Variants in GLRA3 observed in about 807,000 individuals in gnomAD.
The protein encoded by GLRA3 is glycine receptor alpha 3.
In GLRA3, 44 loss-of-function variants were observed where a neutral mutation model predicts 60.4. The observed-to-expected ratio is 0.73, with a 90% CI of 0.57 to 0.94. The LOEUF is 0.94. Among genes scored for constraint, GLRA3 ranks in the 40% least tolerant of loss-of-function variants. The pLI is 0.00. For missense variants in GLRA3, 508 were observed against 564.6 expected, an observed-to-expected ratio of 0.90 and a Z score of 1.02; for synonymous variants, 223 against 192.9, an observed-to-expected ratio of 1.16 and a Z score of -1.29.
At chr4:174,745,599 C>T (rs73004602) in intron 3 of GLRA3, among the ~76,000 whole-genome samples, 6,056 of 151,960 alleles carry the variant, frequency 0.04, 293 homozygotes, top group African/African-American at 0.11. Flanking sequence ...TGGCTAAAAC[C>T]TCAAAAGCAT....
At chr4:174,665,519 G>A (rs1012961591) in intron 7 of GLRA3, among the ~76,000 whole-genome samples, 2 of 152,112 alleles carry the variant, frequency 1.3e-5, no homozygotes, top group African/African-American at 2.4e-5. Flanking sequence ...TATCCTGCAA[G>A]TTTTAAGTGC....
intron 1 of GLRA3, among the ~76,000 whole-genome samples, chr4:174,813,691 C>T (rs1740364799): frequency 1.3e-5 from 2 of 152,140 alleles, no homozygotes; most frequent in South Asian, 4.1e-4. Flanking sequence ...TCTATTCTAA[C>T]CTCTTTCTAT....
At chr4:174,759,658 T>C (rs1031412764) in intron 3 of GLRA3, among the ~76,000 whole-genome samples, 1 of 152,132 alleles carries the variant, frequency 6.6e-6, no homozygotes, top group African/African-American at 2.4e-5. Flanking sequence ...AGTTGTCCTA[T>C]TAAATATCAA....
At chr4:174,721,029 G>GTA (rs1429668150) in intron 4 of GLRA3, among the ~76,000 whole-genome samples, 1 of 145,244 alleles carries the variant, frequency 6.9e-6, no homozygotes, top group Non-Finnish European at 1.5e-5. Context: ...GTGTGTGTGT[G>GTA]TGTGTGTGTG....
In GLRA3 at chr4:174,705,812, C is replaced by T. The variant is rs1450806850; in HGVS notation, c.574+9676G>A. Reference sequence around the variant, plus strand: ...AGTGAGAAATGAGAGACATTTTCCCCGTCTACATGGAACTTGCATGTAGTG... The same window carrying T: ...AGTGAGAAATGAGAGACATTTTCCCTGTCTACATGGAACTTGCATGTAGTG... On this transcript the variant is annotated intron_variant, in intron 5 of 9. Transcript: ENST00000274093. Among the ~76,000 whole-genome samples, 10 of 95,008 alleles carry T rather than the reference C, an allele frequency of 1.1e-4. 3 individuals carry two copies. Among genetic ancestry groups the T allele is most frequent in the Non-Finnish European group, 2.4e-4 (10 of 42,540 alleles). The allele number at this position is 95,008 out of a possible 152,430, so 62.3% of individuals were successfully genotyped here.
In GLRA3 at chr4:174,761,391, A is replaced by G. The variant is rs548168223; in HGVS notation, c.267+5572T>C. Among the ~76,000 whole-genome samples the G allele has an allele frequency of 2.6e-5, 4 of 152,274 alleles. No individual in the cohort carries two copies. In the South Asian group the frequency reaches 8.3e-4, roughly 32 times the overall value. On this transcript the variant is annotated intron_variant, in intron 3 of 9. Transcript: ENST00000274093. ...GAGCCTATCATTTGTATGAAAATTG[A>G]AAAACTGTAGGTTTGGACACTTCTG...
chr4:174,699,052 C>T (rs924747243), intron 5 of GLRA3, among the ~76,000 whole-genome samples: 5 of 149,930 alleles, frequency 3.3e-5, no homozygotes, highest in Non-Finnish European at 2.9e-5. Flanking sequence ...GGCTGGAGTG[C>T]AGTGGTGTGA....
rs554830029 is a variant in GLRA3 at position 174,820,946 on chromosome 4, AC to A, written c.71+7794del. Among the ~76,000 whole-genome samples the A allele has an allele frequency of 8.2e-3, 1,242 of 152,160 alleles. 21 individuals carry two copies. The highest frequency in any genetic ancestry group is 0.028 in the African/African-American group (1,169 of 41,516). On this transcript the variant is annotated intron_variant, in intron 1 of 9. Transcript: ENST00000274093. ...AGTAACATTACTGTCAGATTTTTGT[AC>A]ATATTTCCTAACTTCTGAAAAGGAG...
intron 5 of GLRA3, among the ~76,000 whole-genome samples, chr4:174,700,590 T>C (rs1487396895): frequency 6.6e-6 from 1 of 152,128 alleles, no homozygotes; most frequent in East Asian, 1.9e-4. Flanking sequence ...ATGGTTAAGC[T>C]TAGTGAGGAA....
intron 2 of GLRA3, among the ~76,000 whole-genome samples, chr4:174,769,034 A>G (rs1738272450): frequency 6.6e-6 from 1 of 152,012 alleles, no homozygotes. Context: ...AATTGATCTT[A>G]CAAGGTTTGC....
intron 3 of GLRA3, among the ~76,000 whole-genome samples, chr4:174,764,338 G>A (rs1738054121): frequency 6.6e-6 from 1 of 152,062 alleles, no homozygotes; most frequent in African/African-American, 2.4e-5. Context: ...AGCCAGTAAA[G>A]ACATTGAAGA....
chr4:174,810,266 G>A (rs997557019), intron 1 of GLRA3, among the ~76,000 whole-genome samples: 1 of 152,046 alleles, frequency 6.6e-6, no homozygotes, highest in African/African-American at 2.4e-5. Context: ...AAAGATGCTG[G>A]ACTAGAAACC....
Position 174,777,516 on chromosome 4 carries a change from T to C in GLRA3, c.200-10486A>G, listed in dbSNP as rs530845851. ...AACTCTAGAGACAGTGAAAAGATCA[T>C]TGATTGCCAGAGACTGGGGGTAGAT... On this transcript the variant is annotated intron_variant, in intron 2 of 9. Coordinates refer to ENST00000274093, the MANE Select transcript of GLRA3 (RefSeq NM_006529.4). Among the ~76,000 whole-genome samples, 438 of 152,220 alleles carry C rather than the reference T, an allele frequency of 2.9e-3. 5 individuals carry two copies. In the South Asian group the frequency reaches 0.037, roughly 13 times the overall value.
intron 3 of GLRA3, among the ~76,000 whole-genome samples, chr4:174,757,834 C>G (rs897894365): frequency 6.6e-6 from 1 of 152,112 alleles, no homozygotes; most frequent in Admixed American, 6.5e-5. Context: ...ATATTTGCCC[C>G]TTCCAAATCT....
rs1023738086 is a variant in GLRA3, at chr4:174,638,131, A to G, written c.*5655T>C. 4 of 151,764 alleles carry G rather than the reference A, an allele frequency of 2.6e-5. No individual in the cohort carries two copies. Among genetic ancestry groups the G allele is most frequent in the Non-Finnish European group, 4.4e-5 (3 of 68,028 alleles). The allele number at this position is 151,764 out of a possible 1,614,324, so 9.4% of individuals were successfully genotyped here. On this transcript the variant is annotated 3_prime_UTR_variant, in exon 10 of 10. Coordinates refer to ENST00000274093, the MANE Select transcript of GLRA3 (RefSeq NM_006529.4). The stretch of plus-strand genomic sequence containing the variant: ...ATGAAGATTAACATTTTTATCATCT[A>G]GAGTTATGTCACAATGGAACAGAAG...
chr4:174,681,264 C>T (rs2110970052), intron 6 of GLRA3, among the ~76,000 whole-genome samples: 1 of 152,210 alleles, frequency 6.6e-6, no homozygotes, highest in African/African-American at 2.4e-5. Context: ...TCTTGAGACC[C>T]TCTATCATAA....
At chr4:174,722,463 C>T (rs767515136) in intron 4 of GLRA3, among the ~76,000 whole-genome samples, 1 of 152,146 alleles carries the variant, frequency 6.6e-6, no homozygotes, top group East Asian at 1.9e-4. Context: ...ATTAATTATT[C>T]TCTTCCTTTT....
At chr4:174,790,664 C>T (rs1201552243) in intron 1 of GLRA3, among the ~76,000 whole-genome samples, 1 of 151,770 alleles carries the variant, frequency 6.6e-6, no homozygotes, top group Non-Finnish European at 1.5e-5. Context: ...ACCAATAATA[C>T]TCTGCCTCCT....
chr4:174,678,377 TTTAA>T (rs1734208996), intron 6 of GLRA3, among the ~76,000 whole-genome samples: 2 of 152,210 alleles, frequency 1.3e-5, no homozygotes, highest in African/African-American at 2.4e-5. Flanking sequence ...CAGTTCTTGG[TTTAA>T]TTGTTTTTAT....
Sources: gnomAD v4.1 joint callset for allele counts (sites outside exome capture counted in the v4.1 genomes callset) on GRCh38, gnomAD v4.1.1 for gene constraint, MANE v1.5 for transcripts, NCBI Gene and HGNC (gene_info 2026-07-23, HGNC 2026-07-21) for gene names.